TTLL5: variants seen among roughly 807,000 people sequenced by gnomAD.
TTLL5 encodes tubulin polyglutamylase TTLL5.
Under a neutral mutation model 168.4 loss-of-function variants are expected in TTLL5, and 132 were observed. That is an observed-to-expected ratio of 0.78 (90% CI 0.68 to 0.91). The LOEUF (loss-of-function observed/expected upper bound fraction) is 0.91. TTLL5 is among the 40% of genes least tolerant of loss of function. TTLL5 has a pLI of 0.00. For synonymous variants in TTLL5, 546 were observed against 558.6 expected (o/e 0.98, Z 0.32); for missense variants, 1,545 against 1,581.5 (o/e 0.98, Z 0.39).
At chr14:75,951,500 C>A (rs1353770014) in intron 31 of TTLL5, among the ~76,000 whole-genome samples, 4 of 152,090 alleles carry the variant, frequency 2.6e-5, no homozygotes, top group African/African-American at 9.7e-5. Context: ...TGGCTAACAC[C>A]TGTAAAGTCA....
At chr14:75,748,416 G>A (rs895202870) in intron 17 of TTLL5, among the ~76,000 whole-genome samples, 2 of 151,634 alleles carry the variant, frequency 1.3e-5, no homozygotes, top group Non-Finnish European at 2.9e-5. Flanking sequence ...TGTTTATATT[G>A]CTGTTAATTT....
chr14:75,738,779 G>A (rs141580593), intron 15 of TTLL5, among the ~76,000 whole-genome samples: 1 of 152,208 alleles, frequency 6.6e-6, no homozygotes, highest in East Asian at 1.9e-4. Context: ...CTGTAAAGAA[G>A]TGTCTTTGAT....
intron 28 of TTLL5, among the ~76,000 whole-genome samples, chr14:75,823,640 C>A (rs2140421691): frequency 6.6e-6 from 1 of 152,308 alleles, no homozygotes; most frequent in African/African-American, 2.4e-5. Flanking sequence ...GGCTTTTTCA[C>A]ACATGCATCC....
intron 7 of TTLL5, 144 bp downstream of exon 7, chr14:75,699,414 G>C: frequency 1.3e-6 from 1 of 755,972 alleles, no homozygotes; most frequent in Non-Finnish European, 2.2e-6. Flanking sequence ...TTAAGCGTAG[G>C]TATAACTTGA....
chr14:75,874,277 AG>A (rs369736421), intron 29 of TTLL5, among the ~76,000 whole-genome samples: 48 of 152,198 alleles, frequency 3.2e-4, no homozygotes, highest in South Asian at 1.0e-3. Context: ...ATTATTTAGT[AG>A]AGGCGGGGTT....
intron 1 of TTLL5, among the ~76,000 whole-genome samples, chr14:75,662,329 GTT>G (rs572439310): frequency 0.018 from 2,537 of 141,760 alleles, 89 homozygotes; most frequent in African/African-American, 0.061. Context: ...GTTTTTTGTT[GTT>G]TTTTTTTTTT....
chr14:75,749,827 A>G (rs2140269197), intron 17 of TTLL5, among the ~76,000 whole-genome samples: 1 of 152,216 alleles, frequency 6.6e-6, no homozygotes, highest in Middle Eastern at 3.4e-3. Flanking sequence ...AAATGTCTAC[A>G]TTATGCTTGG....
intron 31 of TTLL5, among the ~76,000 whole-genome samples, chr14:75,912,636 G>A (rs1029730897): frequency 6.6e-6 from 1 of 152,150 alleles, no homozygotes; most frequent in Non-Finnish European, 1.5e-5. Flanking sequence ...ATAAATTGGA[G>A]TATATAGTTC....
At chr14:75,741,444 C>T (rs1488572386) in intron 15 of TTLL5, among the ~76,000 whole-genome samples, 1 of 151,288 alleles carries the variant, frequency 6.6e-6, no homozygotes, top group Non-Finnish European at 1.5e-5. Flanking sequence ...TGCCCAAAGG[C>T]AAAGCTGCAG....
At chr14:75,663,276 A>T in intron 2 of TTLL5, 53 bp downstream of exon 2, 1 of 1,459,982 alleles carries the variant, frequency 6.8e-7, no homozygotes, top group South Asian at 1.2e-5. Context: ...TTTCACTTAT[A>T]TACTCTTATA....
At chr14:75,733,849 G>A (rs901291834) in intron 13 of TTLL5, 140 bp from the exon 14 acceptor site, 77 of 479,594 alleles carry the variant, frequency 1.6e-4, no homozygotes, top group Middle Eastern at 3.4e-4. Flanking sequence ...TTCCCCCACC[G>A]CCCCCGTGGA....
chr14:75,749,721 A>AATTAAT (rs1444198293), intron 17 of TTLL5, among the ~76,000 whole-genome samples: 7 of 152,292 alleles, frequency 4.6e-5, no homozygotes, highest in South Asian at 4.1e-4. Flanking sequence ...AAAGAGGCTC[A>AATTAAT]ATTAATATTA....
chr14:75,848,552 T>C (rs1896679019), intron 28 of TTLL5, among the ~76,000 whole-genome samples: 2 of 150,548 alleles, frequency 1.3e-5, no homozygotes, highest in South Asian at 4.1e-4. Flanking sequence ...TTGAATGAAC[T>C]GGTGTCAGGG....
chr14:75,738,188 C>T (rs1889026308), intron 15 of TTLL5, among the ~76,000 whole-genome samples: 1 of 152,130 alleles, frequency 6.6e-6, no homozygotes. Context: ...TTTTTGTTAG[C>T]AGTATTTGAG....
intron 7 of TTLL5, among the ~76,000 whole-genome samples, chr14:75,701,416 G>A (rs907066854): frequency 1.3e-5 from 2 of 152,188 alleles, no homozygotes; most frequent in South Asian, 2.1e-4. Context: ...TTCTACTGTG[G>A]TTGTGTAGGA....
At chr14:75,781,951 T>A (rs2140329042) in intron 24 of TTLL5, among the ~76,000 whole-genome samples, 1 of 107,162 alleles carries the variant, frequency 9.3e-6, no homozygotes, top group East Asian at 2.3e-4. Flanking sequence ...AGAGTGAAAC[T>A]TTGTTCAAAA....
chr14:75,906,185 C>T (rs1400878574), intron 31 of TTLL5, among the ~76,000 whole-genome samples: 1 of 152,186 alleles, frequency 6.6e-6, no homozygotes, highest in Non-Finnish European at 1.5e-5. Flanking sequence ...CTTTAACTTT[C>T]AAGCAAAATT....
At chr14:75,753,482 G>A (rs1329337666) in intron 18 of TTLL5, among the ~76,000 whole-genome samples, 1 of 152,148 alleles carries the variant, frequency 6.6e-6, no homozygotes, top group East Asian at 1.9e-4. Flanking sequence ...ACATACTTTT[G>A]TAGCCCCTGA....
intron 27 of TTLL5, among the ~76,000 whole-genome samples, chr14:75,805,615 C>T (rs1893608326): frequency 1.3e-5 from 2 of 152,156 alleles, no homozygotes; most frequent in East Asian, 1.9e-4. Flanking sequence ...TCCACATTTC[C>T]ACCTGTGAGA....
Sources: allele counts gnomAD v4.1 joint callset (sites outside exome capture counted in the v4.1 genomes callset), GRCh38; gene constraint gnomAD v4.1.1; transcripts MANE v1.5; gene names NCBI Gene and HGNC (gene_info 2026-07-23, HGNC 2026-07-21).